Variants in GLYR1 observed in about 807,000 individuals in gnomAD.
The protein encoded by GLYR1 is glyoxylate reductase 1 homolog.
Under a neutral mutation model 72.7 loss-of-function variants are expected in GLYR1, and 21 were observed. That is an observed-to-expected ratio of 0.29 (90% CI 0.20 to 0.42). The LOEUF is 0.42. Among genes scored for constraint, GLYR1 ranks in the 10% least tolerant of loss-of-function variants. The probability of loss-of-function intolerance (pLI) is 1.00; values close to 1 mark genes in which losing one functional copy is unlikely to be tolerated. For missense variants in GLYR1, 594 were observed against 712.1 expected (o/e 0.83, Z 1.89); for synonymous variants, 392 against 270.2 (o/e 1.45, Z -4.42).
intron 6 of GLYR1, 74 bp downstream of exon 6, chr16:4,823,747 A>G (rs2084196456): frequency 9.5e-7 from 1 of 1,049,144 alleles, no homozygotes; most frequent in African/African-American, 1.6e-5. Flanking sequence ...AGGGACAAAA[A>G]AAAAAAAAAA....
chr16:4,837,646 CAT>C (rs1189307096), intron 3 of GLYR1, among the ~76,000 whole-genome samples: 1 of 151,870 alleles, frequency 6.6e-6, no homozygotes, highest in Non-Finnish European at 1.5e-5. Flanking sequence ...CACACACAAG[CAT>C]AGAGTATAAA....
chr16:4,836,791 ATGG>A (rs975828419), intron 3 of GLYR1, among the ~76,000 whole-genome samples: 2 of 151,648 alleles, frequency 1.3e-5, no homozygotes, highest in African/African-American at 4.8e-5. Flanking sequence ...TTGTTTTTGA[ATGG>A]TGAACACATA....
chr16:4,840,334 G>T (rs900247086), intron 3 of GLYR1: 8 of 152,086 alleles, frequency 5.3e-5, no homozygotes, highest in African/African-American at 1.9e-4. Flanking sequence ...TCCCTTTTCT[G>T]GATCTTGGCC....
chr16:4,832,709 C>A (rs1420164826), intron 4 of GLYR1, 65 bp downstream of exon 4: 1 of 1,504,308 alleles, frequency 6.6e-7, no homozygotes, highest in Non-Finnish European at 9.0e-7. Flanking sequence ...GACATTTAAT[C>A]TGTTAGTTGC....
rs1383684113 is a variant in GLYR1 at position 4,814,725 on chromosome 16, C to G, written c.907-78G>C. 2.7e-5 allele frequency: 32 copies of G among 1,171,624 alleles called. 1 individual carries two copies. The highest frequency in any genetic ancestry group is 3.8e-6 in the Non-Finnish European group (3 of 798,100). The allele number at this position is 1,171,624 out of a possible 1,614,324, so 72.6% of individuals were successfully genotyped here. A position where few individuals can be genotyped will look rare whatever the true frequency, so the allele number is the denominator to read the frequency against. On this transcript the variant is annotated intron_variant, in intron 10 of 15. Transcript: ENST00000321919. ...GCCAGCCAGGCCAGAGAATTGCTGACCAGGCCTCCTGGCGGCCTACCAAGG... is the reference window on the plus strand; with the variant it reads ...GCCAGCCAGGCCAGAGAATTGCTGAGCAGGCCTCCTGGCGGCCTACCAAGG...
intron 3 of GLYR1, among the ~76,000 whole-genome samples, chr16:4,834,629 C>G (rs542598160): frequency 5.9e-5 from 9 of 152,180 alleles, no homozygotes; most frequent in South Asian, 4.1e-4. Context: ...CCACACCCAG[C>G]TAATTTTTAT....
intron 12 of GLYR1, among the ~76,000 whole-genome samples, chr16:4,813,236 T>G (rs2083430919): frequency 6.6e-6 from 1 of 152,206 alleles, no homozygotes; most frequent in African/African-American, 2.4e-5. Context: ...GTGCTGGGAT[T>G]ACAGGCGTGA....
rs2086226546 is a variant in GLYR1, at chr16:4,847,269, A to C, written c.-4T>G. On this transcript the variant is annotated 5_prime_UTR_variant, in exon 1 of 16. Coordinates refer to ENST00000321919, the MANE Select transcript of GLYR1 (RefSeq NM_032569.4). ...GCCGCAGACTCACAGCCGCCATCTT[A>C]CCACCCAACCACCGCCGACGCACGG... The C allele has an allele frequency of 1.2e-6, 2 of 1,610,026 alleles. No homozygotes were observed. Among genetic ancestry groups the C allele is most frequent in the Non-Finnish European group, 1.7e-6 (2 of 1,178,966 alleles).
At chr16:4,827,674 G>T (rs1304141252) in intron 5 of GLYR1, among the ~76,000 whole-genome samples, 1 of 152,064 alleles carries the variant, frequency 6.6e-6, no homozygotes, top group East Asian at 1.9e-4. Flanking sequence ...GCCGAGGCAG[G>T]TGGATCATGA....
In GLYR1 at chr16:4,832,864, C is replaced by A; in HGVS notation, c.204G>T (p.Glu68Asp). ...TACCCTTGTTAATTTTTATCATTTC[C>A]TCTTTATGAGCATGATATGGCTTCA... ...EQLKPYHAHK[E>D]EMIKINKGKR... is the part of the protein sequence containing the mutation. Residue 68 changes from glutamate to aspartate, a missense_variant, in exon 4 of 16, where the codon GAG (glutamate) becomes GAT (aspartate). Transcript: ENST00000321919. 1 of 1,613,656 alleles carries A rather than the reference C, an allele frequency of 6.2e-7. No homozygotes were observed. The highest frequency in any genetic ancestry group is 1.1e-5 in the South Asian group (1 of 90,930).
At chr16:4,817,016 T>C (rs1184707627) in intron 10 of GLYR1, among the ~76,000 whole-genome samples, 1 of 151,130 alleles carries the variant, frequency 6.6e-6, no homozygotes, top group Non-Finnish European at 1.5e-5. Flanking sequence ...CGATCTCAGC[T>C]CACTGCAACC....
intron 2 of GLYR1, 22 bp downstream of exon 2, chr16:4,846,152 C>T (rs1315394213): frequency 1.9e-6 from 3 of 1,613,320 alleles, no homozygotes; most frequent in African/African-American, 1.3e-5. Context: ...CAGATCTCTT[C>T]CTTTAGTAGC....
intron 3 of GLYR1, among the ~76,000 whole-genome samples, chr16:4,842,649 C>G (rs1028694510): frequency 1.5e-4 from 23 of 152,106 alleles, no homozygotes; most frequent in African/African-American, 4.8e-4. Context: ...GCATGAGCCA[C>G]TGTGCCCAGC....
In GLYR1 at chr16:4,811,683, G is replaced by A; in HGVS notation, c.1402C>T (p.Leu468Phe). ...TGTCCCTGATTGAGGATGTCCAAGAGTGTCTGCTGGGACTGGCCTGTCACC... is the reference window on the plus strand; with the variant it reads ...TGTCCCTGATTGAGGATGTCCAAGAATGTCTGCTGGGACTGGCCTGTCACC... Reference protein sequence around the residue: ...AQVTGQSQQTLLDILNQGQLA... With the variant: ...AQVTGQSQQTFLDILNQGQLA... Residue 468 changes from leucine to phenylalanine, a missense_variant, in exon 14 of 16, where the codon CTC (leucine) becomes TTC (phenylalanine). By Grantham distance (22) the Leu-to-Phe change is conservative (BLOSUM62 0). This residue lies in a region of GLYR1 where 266 missense variants were observed against 358.4 expected (regional missense o/e 0.74). Transcript: ENST00000321919. 2 of 1,614,276 alleles carry A rather than the reference G, an allele frequency of 1.2e-6. No homozygotes were observed. Among genetic ancestry groups the A allele is most frequent in the Non-Finnish European group, 1.7e-6 (2 of 1,180,052 alleles).
At chr16:4,837,761 GTC>G (rs2085246154) in intron 3 of GLYR1, among the ~76,000 whole-genome samples, 1 of 151,802 alleles carries the variant, frequency 6.6e-6, no homozygotes, top group Admixed American at 6.6e-5. Flanking sequence ...GTGAAACCCT[GTC>G]TCTACTAAAA....
Position 4,811,208 on chromosome 16 carries a change from C to A in GLYR1, c.1549G>T (p.Val517Phe). 2 of 1,614,134 alleles carry A rather than the reference C, an allele frequency of 1.2e-6. No homozygotes were observed. Among genetic ancestry groups the A allele is most frequent in the Non-Finnish European group, 1.7e-6 (2 of 1,180,032 alleles). Residue 517 changes from valine to phenylalanine, a missense_variant, in exon 15 of 16, where the codon GTC (valine) becomes TTC (phenylalanine). Transcript: ENST00000321919. ...GCTGCCATGGGAGTCGGATGGTTGA[C>A]CGCATCACCCAGCGCAATGGCTAAG... The part of the protein sequence containing the change: ...LRLAIALGDA[V>F]NHPTPMAAAA...
At chr16:4,837,556 G>A (rs1037453570) in intron 3 of GLYR1, among the ~76,000 whole-genome samples, 4 of 152,104 alleles carry the variant, frequency 2.6e-5, no homozygotes, top group African/African-American at 4.8e-5. Context: ...GGGTGAAGCC[G>A]TGAAGCTAAG....
chr16:4,805,513 A>G (rs568051983), intron 15 of GLYR1, among the ~76,000 whole-genome samples: 2 of 152,354 alleles, frequency 1.3e-5, no homozygotes, highest in East Asian at 3.9e-4. Flanking sequence ...TGGGAGAAGG[A>G]ACAGTACCCG....
At chr16:4,814,065 A>T (rs969820471) in intron 11 of GLYR1, 49 of 126,862 alleles carry the variant, frequency 3.9e-4, no homozygotes, top group East Asian at 9.2e-4. Context: ...CTTTTTATTT[A>T]AAAAAAAAAA....
Sources: gnomAD v4.1 joint callset for allele counts (sites outside exome capture counted in the v4.1 genomes callset) on GRCh38, gnomAD v4.1.1 for gene constraint, gnomAD v4.1.1 regional missense constraint, MANE v1.5 for transcripts, NCBI Gene and HGNC (gene_info 2026-07-23, HGNC 2026-07-21) for gene names.